GAK: variants seen among roughly 807,000 people sequenced by gnomAD.
GAK encodes the protein cyclin G associated kinase, also known as cyclin-G-associated kinase.
A neutral mutation model predicts 143.9 loss-of-function variants in GAK; 79 were observed. That is an observed-to-expected ratio of 0.55 (90% CI 0.46 to 0.66). GAK has a LOEUF of 0.66. Ranked by LOEUF, GAK falls within the 30% of genes least tolerant of loss-of-function variation. The pLI, the probability that GAK is intolerant of heterozygous loss-of-function variation, is 0.00. For missense variants in GAK, 1,693 were observed against 1,779.7 expected, an observed-to-expected ratio of 0.95 and a Z score of 0.88; for synonymous variants, 881 against 765.5, an observed-to-expected ratio of 1.15 and a Z score of -2.49.
intron 4 of GAK, 105 bp from the exon 5 acceptor site, chr4:904,884 C>A: frequency 1.4e-5 from 16 of 1,159,716 alleles, no homozygotes; most frequent in Non-Finnish European, 1.8e-5. Flanking sequence ...GAAAGGAAAA[C>A]CCTGACTTTC....
intron 1 of GAK, among the ~76,000 whole-genome samples, chr4:914,653 C>CCA (rs1330694210): frequency 2.3e-5 from 3 of 129,010 alleles, no homozygotes; most frequent in East Asian, 2.5e-4. Flanking sequence ...TGCACGGCCC[C>CCA]ACACACACAG....
At chr4:891,580 C>T (rs1325986271) in intron 9 of GAK, among the ~76,000 whole-genome samples, 1 of 152,134 alleles carries the variant, frequency 6.6e-6, no homozygotes, top group Non-Finnish European at 1.5e-5. Context: ...GGCCTAGAAG[C>T]ACTCAGATGA....
intron 10 of GAK, among the ~76,000 whole-genome samples, chr4:890,300 A>G (rs1717385373): frequency 6.6e-6 from 1 of 152,112 alleles, no homozygotes; most frequent in South Asian, 2.1e-4. Context: ...CTTTAGTCCG[A>G]ATCCTGACCC....
chr4:852,275 C>T (rs543391307), intron 24 of GAK: 10 of 444,872 alleles, frequency 2.2e-5, no homozygotes, highest in African/African-American at 1.6e-4. Context: ...GGCTTGTCCA[C>T]GGGGGTTGGG....
chr4:867,872 C>A (rs1751496834), intron 20 of GAK, among the ~76,000 whole-genome samples: 1 of 152,272 alleles, frequency 6.6e-6, no homozygotes, highest in Non-Finnish European at 1.5e-5. Flanking sequence ...GCACACCCAC[C>A]TCCAGCCTCT....
intron 1 of GAK, among the ~76,000 whole-genome samples, chr4:918,668 A>G (rs1723422954): frequency 6.6e-6 from 1 of 152,278 alleles, no homozygotes; most frequent in South Asian, 2.1e-4. Context: ...TGTCAATTAA[A>G]AAATATATTA....
chr4:873,806 G>A (rs1466597366), intron 18 of GAK, among the ~76,000 whole-genome samples: 1 of 152,166 alleles, frequency 6.6e-6, no homozygotes, highest in Admixed American at 6.5e-5. Context: ...GCTCCTGTAA[G>A]CAGTATAGAC....
At chr4:923,167 C>T (rs778306091) in intron 1 of GAK, among the ~76,000 whole-genome samples, 1 of 152,110 alleles carries the variant, frequency 6.6e-6, no homozygotes, top group African/African-American at 2.4e-5. Flanking sequence ...GTTAGCATCC[C>T]GACCGTCACC....
At chr4:862,362 T>A (rs1315392838) in intron 23 of GAK, among the ~76,000 whole-genome samples, 1 of 152,160 alleles carries the variant, frequency 6.6e-6, no homozygotes, top group Non-Finnish European at 1.5e-5. Flanking sequence ...GCCTAAGTCA[T>A]CTGCTAAGAT....
chr4:884,426 C>T (rs537329062), intron 11 of GAK: 51 of 278,742 alleles, frequency 1.8e-4, no homozygotes, highest in African/African-American at 8.5e-4. Flanking sequence ...ATGGCAACAC[C>T]GGTGGAAGGG....
At chr4:882,893 C>G (rs1356442552) in intron 13 of GAK, 74 bp from the exon 14 acceptor site, 6 of 1,570,228 alleles carry the variant, frequency 3.8e-6, no homozygotes, top group Non-Finnish European at 5.2e-6. Context: ...GGAGGGACAG[C>G]CTGCCTGCAG....
At chr4:851,245 G>A (rs1029754202) in intron 25 of GAK, 161 bp from the exon 26 acceptor site, 1 of 564,246 alleles carries the variant, frequency 1.8e-6, no homozygotes, top group Non-Finnish European at 3.1e-6. Flanking sequence ...CCACAGGCAT[G>A]CGCCACCATG....
chr4:896,839 C>T (rs560219982), intron 6 of GAK, among the ~76,000 whole-genome samples: 6 of 152,374 alleles, frequency 3.9e-5, no homozygotes, highest in South Asian at 2.1e-4. Context: ...TGGCCTGCTG[C>T]GCACCAAGTC....
chr4:881,843 C>A (rs547972742), intron 15 of GAK, 64 bp downstream of exon 15: 4 of 1,500,384 alleles, frequency 2.7e-6, no homozygotes, highest in Middle Eastern at 2.3e-4. Flanking sequence ...GACACCACAG[C>A]GGGGGCGGCA....
chr4:864,994 C>CAA, intron 23 of GAK, 128 bp downstream of exon 23: 2 of 1,304,772 alleles, frequency 1.5e-6, no homozygotes, highest in Non-Finnish European at 2.1e-6. Context: ...CCCGCACCAC[C>CAA]AAGCACGCCC....
chr4:871,405 C>T (rs1178166943), intron 18 of GAK, among the ~76,000 whole-genome samples: 1 of 152,244 alleles, frequency 6.6e-6, no homozygotes, highest in Non-Finnish European at 1.5e-5. Context: ...AGCACGCACT[C>T]TGGGATACTA....
At chr4:884,556 G>A (rs1715875262) in intron 11 of GAK, among the ~76,000 whole-genome samples, 1 of 152,224 alleles carries the variant, frequency 6.6e-6, no homozygotes. Context: ...GAGGCAGAGA[G>A]GGCCCCCTGC....
intron 24 of GAK, among the ~76,000 whole-genome samples, chr4:854,525 G>C (rs550999015): frequency 6.6e-6 from 1 of 152,284 alleles, no homozygotes; most frequent in South Asian, 2.1e-4. Flanking sequence ...TCTGTAGAAC[G>C]AGGGCTTAGG....
intron 1 of GAK, among the ~76,000 whole-genome samples, chr4:927,974 C>A (rs183817159): frequency 6.6e-6 from 1 of 152,202 alleles, no homozygotes; most frequent in South Asian, 2.1e-4. Flanking sequence ...GAGAACAGCA[C>A]GGAGCTTCAG....
Sources: gnomAD v4.1 joint callset for allele counts (sites outside exome capture counted in the v4.1 genomes callset) on GRCh38, gnomAD v4.1.1 for gene constraint, MANE v1.5 for transcripts, NCBI Gene and HGNC (gene_info 2026-07-23, HGNC 2026-07-21) for gene names.